The following CLDN2 variants were observed in gnomAD, a reference collection of about 807,000 sequenced individuals.
CLDN2 encodes claudin 2, also known as claudin-2.
In CLDN2, 1 loss-of-function variant was observed where a neutral mutation model predicts 8.2. That is an observed-to-expected ratio of 0.12 (90% CI 0.04 to 0.58). The LOEUF (loss-of-function observed/expected upper bound fraction) is 0.58. CLDN2 is among the 20% of genes least tolerant of loss of function. The pLI, the probability that CLDN2 is intolerant of heterozygous loss-of-function variation, is 0.90. For missense variants in CLDN2, 108 were observed against 172.9 expected, an observed-to-expected ratio of 0.62 and a Z score of 2.11; for synonymous variants, 70 against 70.2, an observed-to-expected ratio of 1.00 and a Z score of 0.01.
chrX:106,925,020 C>A (rs1452663372), intron 1 of CLDN2, among the ~76,000 whole-genome samples: 1 of 110,923 alleles, frequency 9.0e-6, no homozygotes, highest in Non-Finnish European at 1.9e-5. Context: ...TACAGAGATA[C>A]ATAAGATATA....
At chrX:106,912,391 G>A (rs1044748611) in intron 1 of CLDN2, among the ~76,000 whole-genome samples, 4 of 105,523 alleles carry the variant, frequency 3.8e-5, no homozygotes, top group East Asian at 3.0e-4. Context: ...CTAAACTAGC[G>A]AATTTTTTAT....
At chrX:106,901,437 T>A (rs780349565) in intron 1 of CLDN2, 1 of 1,166,329 alleles carries the variant, frequency 8.6e-7, no homozygotes, top group Non-Finnish European at 1.2e-6. Context: ...AGCTAATGGA[T>A]CTATGTCAAG....
At chrX:106,901,369 T>A (rs991889706) in intron 1 of CLDN2, 9 of 802,995 alleles carry the variant, frequency 1.1e-5, no homozygotes, top group South Asian at 2.4e-5. Context: ...GAAACAGCGA[T>A]CATAGATAGC....
chrX:106,903,450 G>A (rs1402473989), intron 1 of CLDN2: 2 of 485,123 alleles, frequency 4.1e-6, no homozygotes, highest in East Asian at 8.3e-5. Flanking sequence ...TTTAGGGAAG[G>A]GGCTCAGGGA....
intron 1 of CLDN2, chrX:106,903,467 G>C (rs1461340972): frequency 2.4e-6 from 1 of 409,175 alleles, no homozygotes; most frequent in African/African-American, 2.6e-5. Flanking sequence ...GGGAGGGAAA[G>C]CTGGGTTACC....
intron 1 of CLDN2, among the ~76,000 whole-genome samples, chrX:106,908,641 T>C (rs776536655): frequency 9.4e-6 from 1 of 105,848 alleles, no homozygotes; most frequent in African/African-American, 3.5e-5. Flanking sequence ...CAGGCTAGAA[T>C]GCAGTGGCAC....
intron 1 of CLDN2, among the ~76,000 whole-genome samples, chrX:106,923,846 C>T (rs1167459994): frequency 9.0e-6 from 1 of 111,077 alleles, no homozygotes; most frequent in Non-Finnish European, 1.9e-5. Context: ...TGAGATAACC[C>T]ATGAAGAATG....
Position 106,928,246 on chromosome X carries a change from C to T in CLDN2, c.18C>T (p.Leu6=). ...GGTCTGCCATGGCCTCTCTTGGCCTCCAACTTGTGGGCTACATCCTAGGCC... is the reference window on the plus strand; with the variant it reads ...GGTCTGCCATGGCCTCTCTTGGCCTTCAACTTGTGGGCTACATCCTAGGCC... MASLG[L]QLVGYILGLL... The change falls in exon 2 of 2, where the codon CTC becomes CTT. Residue 6 remains leucine, a synonymous_variant. Coordinates refer to ENST00000336803, the MANE Select transcript of CLDN2 (RefSeq NM_020384.4). 8.3e-7 allele frequency: 1 copy of T among 1,210,553 alleles called. No homozygotes were observed. Among genetic ancestry groups the T allele is most frequent in the Non-Finnish European group, 1.1e-6 (1 of 894,632 alleles).
intron 1 of CLDN2, among the ~76,000 whole-genome samples, chrX:106,910,279 T>A (rs771284190): frequency 9.0e-6 from 1 of 111,699 alleles, no homozygotes; most frequent in East Asian, 2.8e-4. Flanking sequence ...ACAAAAACAA[T>A]GACAAGAAAA....
intron 1 of CLDN2, chrX:106,902,099 G>A: frequency 8.1e-6 from 9 of 1,106,834 alleles, no homozygotes; most frequent in Non-Finnish European, 9.8e-6. Flanking sequence ...GTTAATGCAT[G>A]TGGCTGCATG....
intron 1 of CLDN2, among the ~76,000 whole-genome samples, chrX:106,909,349 C>T (rs908198110): frequency 9.0e-6 from 1 of 111,362 alleles, no homozygotes. Flanking sequence ...TAACCACTGC[C>T]CAGCCCTATC....
intron 1 of CLDN2, among the ~76,000 whole-genome samples, chrX:106,911,705 C>T (rs1481361035): frequency 8.9e-6 from 1 of 112,457 alleles, no homozygotes; most frequent in Non-Finnish European, 1.9e-5. Context: ...GCCTTTCTAT[C>T]GAGGTGCTGT....
chrX:106,902,263 T>C (rs995076380), intron 1 of CLDN2: 16 of 1,053,091 alleles, frequency 1.5e-5, no homozygotes, highest in Non-Finnish European at 2.1e-5. Flanking sequence ...GACTGAAAGG[T>C]GGGCTCCCTG....
chrX:106,900,772 G>C lies in CLDN2; in HGVS notation c.-179+268G>C, dbSNP rs902295657. 1 of 1,208,057 alleles carries C rather than the reference G, an allele frequency of 8.3e-7. No individual in the cohort carries two copies. Among genetic ancestry groups the C allele is most frequent in the African/African-American group, 1.8e-5 (1 of 57,092 alleles). On this transcript the variant is annotated intron_variant, in intron 1 of 1. Coordinates refer to the CLDN2 transcript ENST00000541806. ...TCCTACTTCTCTTCTTCATCCTCCT[G>C]CTCTTCATCTTCCTCTTCTTCTTCG...
intron 1 of CLDN2, among the ~76,000 whole-genome samples, chrX:106,903,665 G>A (rs1933140853): frequency 1.8e-5 from 2 of 112,329 alleles, no homozygotes; most frequent in Non-Finnish European, 3.8e-5. Context: ...AAACCACAGA[G>A]ATGTCAGGGA....
chrX:106,929,227 C>T lies in CLDN2; in HGVS notation c.*306C>T, dbSNP rs781381086. 1 of 315,043 alleles carries T rather than the reference C, an allele frequency of 3.2e-6. No homozygotes were observed. The highest frequency in any genetic ancestry group is 5.5e-5 in the Admixed American group (1 of 18,182). 26.0% of individuals were successfully genotyped at this position (315,043 alleles called of 1,213,427 possible). ...CCCTTAAGCCAGGACTCAGAGGATC[C>T]CTTTGCCCTCTGGTTTACCTGGGAC... On this transcript the variant is annotated 3_prime_UTR_variant, in exon 2 of 2. Transcript: ENST00000336803.
intron 1 of CLDN2, among the ~76,000 whole-genome samples, chrX:106,925,785 T>C (rs1247349697): frequency 1.8e-5 from 2 of 112,253 alleles, no homozygotes; most frequent in African/African-American, 6.5e-5. Flanking sequence ...GGTGGGCGGA[T>C]CACTTGCAGT....
At chrX:106,907,596 G>A (rs1933194961) in intron 1 of CLDN2, among the ~76,000 whole-genome samples, 1 of 109,684 alleles carries the variant, frequency 9.1e-6, no homozygotes, top group African/African-American at 3.3e-5. Flanking sequence ...AGCTACTCAG[G>A]AGGCTGAGTC....
intron 1 of CLDN2, among the ~76,000 whole-genome samples, chrX:106,921,905 TC>T (rs1933398348): frequency 8.9e-6 from 1 of 112,483 alleles, no homozygotes; most frequent in East Asian, 2.8e-4. Flanking sequence ...TCTAGGAGGA[TC>T]CCTCAAAGAG....
Sources: gnomAD v4.1 joint callset for allele counts (sites outside exome capture counted in the v4.1 genomes callset) on GRCh38, gnomAD v4.1.1 for gene constraint, MANE v1.5 for transcripts, NCBI Gene and HGNC (gene_info 2026-07-23, HGNC 2026-07-21) for gene names.